Variants in SLC28A1 observed in about 807,000 individuals in gnomAD.
SLC28A1 encodes the protein solute carrier family 28 member 1, also known as sodium/nucleoside cotransporter 1.
SLC28A1 carries 64 observed loss-of-function variants against 74.8 expected under a neutral mutation model. The observed-to-expected ratio is 0.86, with a 90% CI of 0.70 to 1.05. SLC28A1 has a LOEUF of 1.05. Among genes scored for constraint, SLC28A1 ranks in the 50% least tolerant of loss-of-function variants. The pLI is 0.00. For missense variants in SLC28A1, 828 were observed against 822.8 expected (o/e 1.01, Z -0.08); for synonymous variants, 359 against 335.0 (o/e 1.07, Z -0.78).
chr15:84,950,749 G>C (rs1427396052), downstream of SLC28A1, among the ~76,000 whole-genome samples: 1 of 152,130 alleles, frequency 6.6e-6, no homozygotes, highest in African/African-American at 2.4e-5. Context: ...TCCTGGGTTA[G>C]GGGTGGCCAT....
intron 8 of SLC28A1, among the ~76,000 whole-genome samples, chr15:84,907,086 A>C (rs1967365447): frequency 6.6e-6 from 1 of 152,232 alleles, no homozygotes; most frequent in South Asian, 2.1e-4. Flanking sequence ...TAAAGGTCAC[A>C]GCTGAGGGGA....
chr15:84,938,457 A>C (rs533037358), intron 15 of SLC28A1: 2 of 152,332 alleles, frequency 1.3e-5, no homozygotes, highest in East Asian at 3.9e-4. Flanking sequence ...TCATCCTTGC[A>C]CAGGGGCCGT....
chr15:84,940,358 T>A (rs551282083), intron 15 of SLC28A1: 5 of 152,898 alleles, frequency 3.3e-5, no homozygotes, highest in African/African-American at 1.2e-4. Context: ...TTGGGTAGTA[T>A]GTAACTATGC....
chr15:84,890,703 A>G (rs879293797), intron 5 of SLC28A1, among the ~76,000 whole-genome samples, 169 bp downstream of exon 5: 1 of 152,238 alleles, frequency 6.6e-6, no homozygotes, highest in Admixed American at 6.5e-5. Context: ...GCCAGGCCAG[A>G]TCTTGTTCCC....
At chr15:84,888,077 G>T (rs1382216391) in intron 3 of SLC28A1, among the ~76,000 whole-genome samples, 1 of 152,120 alleles carries the variant, frequency 6.6e-6, no homozygotes, top group Admixed American at 6.5e-5. Context: ...GACTGAGCAC[G>T]TACTGTGTGC....
chr15:84,899,927 G>A (rs959853646), intron 6 of SLC28A1, among the ~76,000 whole-genome samples: 18 of 110,140 alleles, frequency 1.6e-4, no homozygotes, highest in African/African-American at 5.6e-4. Context: ...GGGAAAGAGG[G>A]AAAGAAAGAA....
At chr15:84,956,468 CT>C in the SLC28A1 span, among the ~76,000 whole-genome samples, 1 of 67,054 alleles carries the variant, frequency 1.5e-5, no homozygotes, top group South Asian at 6.6e-4. Flanking sequence ...TCTTTCTTTC[CT>C]TCTTTCTTTC....
At chr15:84,957,605 G>A in the SLC28A1 span, among the ~76,000 whole-genome samples, 491 of 152,186 alleles carry the variant, frequency 3.2e-3, 1 homozygote, top group Admixed American at 5.2e-3. Flanking sequence ...TTTTGGCACC[G>A]TTGTCAAAAA....
chr15:84,898,602 C>T (rs988341630), intron 6 of SLC28A1, among the ~76,000 whole-genome samples: 7 of 149,216 alleles, frequency 4.7e-5, no homozygotes, highest in Admixed American at 2.0e-4. Flanking sequence ...AAAATACATG[C>T]ATTTGATTTT....
chr15:84,914,633 T>A (rs115311292), intron 9 of SLC28A1, among the ~76,000 whole-genome samples: 2,313 of 152,232 alleles, frequency 0.015, 63 homozygotes, highest in African/African-American at 0.053. Flanking sequence ...AGTCCCCACA[T>A]ATTAGGGACC....
intron 9 of SLC28A1, among the ~76,000 whole-genome samples, chr15:84,912,812 A>ATG (rs1968518024): frequency 2.5e-5 from 2 of 80,362 alleles, no homozygotes; most frequent in Admixed American, 1.3e-4. Context: ...GCGCGCACAC[A>ATG]CACACACACA....
chr15:84,960,036 T>C, the SLC28A1 span, among the ~76,000 whole-genome samples: 2 of 152,126 alleles, frequency 1.3e-5, no homozygotes, highest in African/African-American at 4.8e-5. Flanking sequence ...ATCTATTTTC[T>C]GGGGTCATGA....
intron 11 of SLC28A1, among the ~76,000 whole-genome samples, chr15:84,923,196 C>T (rs1239920163): frequency 6.6e-6 from 1 of 152,182 alleles, no homozygotes; most frequent in Non-Finnish European, 1.5e-5. Flanking sequence ...CCTCAGCCTC[C>T]CAAAGTGCTG....
At chr15:84,886,407 G>C (rs1324681931) in intron 1 of SLC28A1, 1 of 985,398 alleles carries the variant, frequency 1.0e-6, no homozygotes, top group East Asian at 1.1e-4. Context: ...TAATCACATA[G>C]GTGGCTTCCT....
the SLC28A1 span, among the ~76,000 whole-genome samples, chr15:84,970,418 T>C: frequency 0.04 from 6,039 of 152,240 alleles, 333 homozygotes; most frequent in African/African-American, 0.13. Context: ...CAATCAACCT[T>C]GACCCTTTGT....
At chr15:84,949,656 C>T (rs2079351522), downstream of SLC28A1, among the ~76,000 whole-genome samples, 1 of 151,338 alleles carries the variant, frequency 6.6e-6, no homozygotes, top group South Asian at 2.1e-4. Context: ...AGTGATTCAC[C>T]CATCTCTGCC....
intron 15 of SLC28A1, among the ~76,000 whole-genome samples, chr15:84,940,282 A>G (rs183558059): frequency 1.3e-5 from 2 of 152,302 alleles, no homozygotes; most frequent in Admixed American, 6.5e-5. Context: ...TATAACCCCC[A>G]TACTGCACCA....
chr15:84,912,454 C>T (rs1024705920), intron 9 of SLC28A1, among the ~76,000 whole-genome samples: 2 of 152,148 alleles, frequency 1.3e-5, no homozygotes, highest in Non-Finnish European at 2.9e-5. Flanking sequence ...GCTTCTTCAG[C>T]CCTCAGCTTG....
intron 4 of SLC28A1, 86 bp from the exon 5 acceptor site, chr15:84,890,357 G>T: frequency 1.0e-6 from 1 of 984,676 alleles, no homozygotes; most frequent in South Asian, 1.4e-5. Context: ...CACTTTACTG[G>T]GGACATACCT....
Sources: gnomAD v4.1 joint callset for allele counts (sites outside exome capture counted in the v4.1 genomes callset) on GRCh38, gnomAD v4.1.1 for gene constraint, MANE v1.5 for transcripts, NCBI Gene and HGNC (gene_info 2026-07-23, HGNC 2026-07-21) for gene names.